The following TRIP12 variants were observed in gnomAD, a reference collection of about 807,000 sequenced individuals.
TRIP12 encodes thyroid hormone receptor interactor 12, also known as E3 ubiquitin-protein ligase TRIP12.
Under a neutral mutation model 244.2 loss-of-function variants are expected in TRIP12, and 25 were observed. The observed-to-expected ratio is 0.10, with a 90% CI of 0.07 to 0.14. The LOEUF (loss-of-function observed/expected upper bound fraction) is 0.14. Among genes scored for constraint, TRIP12 ranks in the 10% least tolerant of loss-of-function variants. The pLI is 1.00. For missense variants in TRIP12, 1,677 were observed against 2,486.4 expected, an observed-to-expected ratio of 0.67 and a Z score of 6.92; for synonymous variants, 905 against 873.1, an observed-to-expected ratio of 1.04 and a Z score of -0.64.
In TRIP12 at chr2:229,859,252, T is replaced by C. The variant is rs2154336158; in HGVS notation, c.547A>G (p.Thr183Ala). The C allele has an allele frequency of 2.5e-6, 4 of 1,614,230 alleles. No homozygotes were observed. The highest frequency in any genetic ancestry group is 1.6e-4 in the Middle Eastern group (1 of 6,062). ...SKAHTRKSGATGGSRSQKRKR... is the reference protein window; with the variant it reads ...SKAHTRKSGAAGGSRSQKRKR... Reference sequence around the variant, plus strand: ...CTTTTCTGACTCCGTGAACCGCCAGTGGCCCCACTCTTCCTGGTATGAGCC... The same window carrying C: ...CTTTTCTGACTCCGTGAACCGCCAGCGGCCCCACTCTTCCTGGTATGAGCC... The change falls in exon 4 of 42, where the codon ACT (threonine) becomes GCT (alanine). Residue 183 changes from threonine (T) to alanine (A), a missense_variant. By Grantham distance (58) the Thr-to-Ala change is moderately conservative. This residue lies in a region of TRIP12 where 387 missense variants were observed against 392.6 expected (regional missense o/e 0.99). Coordinates refer to ENST00000675903, the MANE Select transcript of TRIP12 (RefSeq NM_001348323.3).
intron 6 of TRIP12, among the ~76,000 whole-genome samples, chr2:229,832,489 C>T (rs552308623): frequency 6.6e-6 from 1 of 152,348 alleles, no homozygotes; most frequent in South Asian, 2.1e-4. Flanking sequence ...GCAAAACCCA[C>T]ACTTCTGGTA....
chr2:229,913,886 AAT>A (rs1366496833), intron 1 of TRIP12, among the ~76,000 whole-genome samples: 3 of 152,232 alleles, frequency 2.0e-5, no homozygotes, highest in Non-Finnish European at 4.4e-5. Flanking sequence ...GTCATCCTGA[AAT>A]ATGTTACAGA....
rs2031107267 is a variant in TRIP12, at chr2:229,764,077, C to G, written c.*3477G>C. ...CCTCTTCCATTATTAAAGAATGTCTCCTTCATGCAGAACAAGTCTTTAGCA... is the reference window on the plus strand; with the variant it reads ...CCTCTTCCATTATTAAAGAATGTCTGCTTCATGCAGAACAAGTCTTTAGCA... On this transcript the variant is annotated 3_prime_UTR_variant, in exon 42 of 42. Transcript: ENST00000675903. 1 of 152,200 alleles carries G rather than the reference C, an allele frequency of 6.6e-6. No homozygotes were observed. Among genetic ancestry groups the G allele is most frequent in the Non-Finnish European group, 1.5e-5 (1 of 68,044 alleles). 9.4% of individuals were successfully genotyped at this position (152,200 alleles called of 1,614,324 possible).
intron 4 of TRIP12, among the ~76,000 whole-genome samples, chr2:229,847,406 T>G (rs2057784770): frequency 6.6e-6 from 1 of 152,180 alleles, no homozygotes; most frequent in Non-Finnish European, 1.5e-5. Context: ...TGCATATGCC[T>G]AGCGAAGTGT....
chr2:229,853,679 AATACATACATAC>A (rs59794043), intron 4 of TRIP12, among the ~76,000 whole-genome samples: 4 of 151,410 alleles, frequency 2.6e-5, no homozygotes, highest in Admixed American at 2.0e-4. Flanking sequence ...AAATAAATAA[AATACATACATAC>A]ATACATACAT....
At chr2:229,806,048 C>A in intron 17 of TRIP12, 165 bp from the exon 18 acceptor site, 1 of 508,822 alleles carries the variant, frequency 2.0e-6, no homozygotes, top group Non-Finnish European at 3.3e-6. Context: ...TGACAAAACT[C>A]ATTCATTCAA....
At chr2:229,797,590 G>A in intron 24 of TRIP12, 100 bp downstream of exon 24, 1 of 1,465,592 alleles carries the variant, frequency 6.8e-7, no homozygotes, top group Non-Finnish European at 9.2e-7. Context: ...ATGTAGGATA[G>A]CTAAATCCAT....
chr2:229,870,119 G>C (rs1156325572), intron 2 of TRIP12, among the ~76,000 whole-genome samples: 1 of 152,158 alleles, frequency 6.6e-6, no homozygotes, highest in Non-Finnish European at 1.5e-5. Flanking sequence ...AACTGTATTA[G>C]AACAGAGTAA....
chr2:229,881,323 T>C (rs2064834701), intron 1 of TRIP12, among the ~76,000 whole-genome samples: 1 of 152,214 alleles, frequency 6.6e-6, no homozygotes. Context: ...AATTACGACA[T>C]GCACAAATAA....
intron 4 of TRIP12, among the ~76,000 whole-genome samples, chr2:229,853,638 C>A (rs571836265): frequency 1.3e-5 from 2 of 151,982 alleles, no homozygotes; most frequent in South Asian, 4.1e-4. Flanking sequence ...GACTGGGCGA[C>A]AAGAATGAGA....
At position 229,808,341 on chromosome 2, in the gene TRIP12, C is replaced by G. The variant is rs151292964; in HGVS notation, c.2250G>C (p.Leu750=). 94 of 1,613,244 alleles carry G rather than the reference C, an allele frequency of 5.8e-5. No individual in the cohort carries two copies. Among genetic ancestry groups the G allele is most frequent in the Non-Finnish European group, 7.3e-5 (86 of 1,179,966 alleles). The change falls in exon 16 of 42, where the codon CTG becomes CTC. Residue 750 remains leucine (L), a synonymous_variant. Coordinates refer to ENST00000675903, the MANE Select transcript of TRIP12 (RefSeq NM_001348323.3). ...QNIAETLHFL[L]CGASNGSCQE... is the part of the protein sequence containing the mutation. Reference sequence around the variant, plus strand: ...GACAACTTCCATTGGAGGCACCACACAGGAGAAAGTGAAGCGTTTCTGCAA... The same window carrying G: ...GACAACTTCCATTGGAGGCACCACAGAGGAGAAAGTGAAGCGTTTCTGCAA...
chr2:229,835,583 A>G (rs559991743), intron 6 of TRIP12, among the ~76,000 whole-genome samples: 4 of 152,352 alleles, frequency 2.6e-5, no homozygotes, highest in African/African-American at 4.8e-5. Flanking sequence ...AAAAATGGTA[A>G]TAATAACACT....
chr2:229,853,193 A>G (rs184043426), intron 4 of TRIP12, among the ~76,000 whole-genome samples: 18 of 152,330 alleles, frequency 1.2e-4, no homozygotes, highest in Admixed American at 1.1e-3. Flanking sequence ...GGAAGAAAAC[A>G]AAGGATATCC....
chr2:229,831,105 C>T lies in TRIP12; in HGVS notation c.1271-266G>A, dbSNP rs964531976. 15 of 712,388 alleles carry T rather than the reference C, an allele frequency of 2.1e-5. 1 individual carries two copies. Among genetic ancestry groups the T allele is most frequent in the South Asian group, 1.4e-4 (9 of 65,844 alleles). 44.1% of individuals were successfully genotyped at this position (712,388 alleles called of 1,614,324 possible). A position where few individuals can be genotyped will look rare whatever the true frequency, so the allele number is the denominator to read the frequency against. ...GTGGCTTTTGACAAATTTCTTGTGC[C>T]GTTGAAACTGTTCTTTAATTAAGAT... On this transcript the variant is annotated intron_variant, in intron 6 of 41. Coordinates refer to ENST00000675903, the MANE Select transcript of TRIP12 (RefSeq NM_001348323.3).
chr2:229,884,861 C>T (rs1401686165), intron 1 of TRIP12, among the ~76,000 whole-genome samples: 1 of 152,122 alleles, frequency 6.6e-6, no homozygotes, highest in Non-Finnish European at 1.5e-5. Flanking sequence ...GTCCCAGCAA[C>T]TCAGAAGGCT....
intron 38 of TRIP12, among the ~76,000 whole-genome samples, chr2:229,772,949 A>C (rs886111687): frequency 6.6e-6 from 1 of 152,172 alleles, no homozygotes; most frequent in Admixed American, 6.5e-5. Context: ...GAATAAACCA[A>C]AACAAATTTT....
chr2:229,866,117 T>A (rs1038463852), intron 2 of TRIP12, among the ~76,000 whole-genome samples: 2 of 152,174 alleles, frequency 1.3e-5, no homozygotes, highest in African/African-American at 4.8e-5. Context: ...CTTGGTAATA[T>A]ATGAAAACCT....
At position 229,788,954 on chromosome 2, in the gene TRIP12, A is replaced by T. The variant is rs748736884; in HGVS notation, c.4696-14T>A. On this transcript the variant is annotated splice_polypyrimidine_tract_variant and intron_variant, in intron 31 of 41. Coordinates refer to ENST00000675903, the MANE Select transcript of TRIP12 (RefSeq NM_001348323.3). The stretch of plus-strand genomic sequence containing the variant: ...GCACATTGCATTCTGTAAAATGTTT[A>T]AAAAAAAAAAAGTCTACATGTAGTA... The T allele has an allele frequency of 1.1e-4, 81 of 722,618 alleles. No individual in the cohort carries two copies. The highest frequency in any genetic ancestry group is 5.5e-4 in the East Asian group (10 of 18,268). 44.8% of individuals were successfully genotyped at this position (722,618 alleles called of 1,614,324 possible). A position where few individuals can be genotyped will look rare whatever the true frequency, so the allele number is the denominator to read the frequency against.
intron 25 of TRIP12, 130 bp from the exon 26 acceptor site, chr2:229,795,460 G>T: frequency 8.9e-7 from 1 of 1,122,858 alleles, no homozygotes; most frequent in Non-Finnish European, 1.2e-6. Flanking sequence ...TTTTATGGCA[G>T]ATTTGGTTTG....
Sources: gnomAD v4.1 joint callset for allele counts (sites outside exome capture counted in the v4.1 genomes callset) on GRCh38, gnomAD v4.1.1 for gene constraint, gnomAD v4.1.1 regional missense constraint, MANE v1.5 for transcripts, NCBI Gene and HGNC (gene_info 2026-07-23, HGNC 2026-07-21) for gene names.